The following SNUPN variants were observed in gnomAD, a reference collection of about 807,000 sequenced individuals.
The protein encoded by SNUPN is snurportin 1, also known as snurportin-1.
SNUPN carries 31 observed loss-of-function variants against 39.2 expected under a neutral mutation model. The observed-to-expected ratio is 0.79, with a 90% CI of 0.59 to 1.07. The LOEUF (loss-of-function observed/expected upper bound fraction) is 1.07. SNUPN is among the 50% of genes least tolerant of loss of function. The probability of loss-of-function intolerance (pLI) is 0.00; values close to 1 mark genes in which losing one functional copy is unlikely to be tolerated. For synonymous variants in SNUPN, 132 were observed against 159.0 expected (o/e 0.83, Z 1.28); for missense variants, 382 against 434.2 (o/e 0.88, Z 1.07).
At chr15:75,624,919 C>A (rs932851873) in intron 1 of SNUPN, 4 of 225,972 alleles carry the variant, frequency 1.8e-5, no homozygotes, top group African/African-American at 6.9e-5. Context: ...ATTACAGGCA[C>A]GCGCCACAAC....
chr15:75,609,735 C>T (rs1024492437), intron 4 of SNUPN, 84 bp from the exon 5 acceptor site: 31 of 1,201,042 alleles, frequency 2.6e-5, no homozygotes, highest in South Asian at 4.1e-5. Flanking sequence ...GAATGTTACT[C>T]GACCAAAGAT....
intron 2 of SNUPN, among the ~76,000 whole-genome samples, chr15:75,619,931 T>C (rs1893027637): frequency 6.6e-6 from 1 of 152,024 alleles, no homozygotes; most frequent in Non-Finnish European, 1.5e-5. Flanking sequence ...GTATTTTTAG[T>C]AGAGACAAGT....
chr15:75,616,290 C>T (rs960070195), intron 3 of SNUPN, among the ~76,000 whole-genome samples: 48 of 151,828 alleles, frequency 3.2e-4, no homozygotes, highest in African/African-American at 1.2e-3. Flanking sequence ...AACCCTGTCT[C>T]TACTAAAAAT....
At chr15:75,603,326 C>T (rs868377622) in intron 7 of SNUPN, among the ~76,000 whole-genome samples, 1 of 145,038 alleles carries the variant, frequency 6.9e-6, no homozygotes, top group Non-Finnish European at 1.5e-5. Context: ...GGATTACAGG[C>T]GTGAGCTACC....
chr15:75,607,219 G>T lies in SNUPN; in HGVS notation c.597C>A (p.Cys199Ter). The change falls in exon 6 of 9, where the codon TGC becomes TGA. Residue 199 changes from cysteine (C) to a stop codon, truncating the protein, a stop_gained. Coordinates refer to ENST00000308588, the MANE Select transcript of SNUPN (RefSeq NM_005701.4). LOFTEE classifies it high-confidence loss of function. ...CGAGAGGAGGATCCATCCCTACCTG[G>T]CAATCATAAAAAGGGTGTCCCCGCC... ...MCWRGHPFYDCQTDFRFYWMH... is the reference protein window; with the variant it reads ...MCWRGHPFYD 1 of 1,609,804 alleles carries T rather than the reference G, an allele frequency of 6.2e-7. No homozygotes were observed. The highest frequency in any genetic ancestry group is 8.5e-7 in the Non-Finnish European group (1 of 1,176,194).
intron 1 of SNUPN, 43 bp from the exon 2 acceptor site, chr15:75,621,099 C>T (rs981071932): frequency 2.5e-6 from 4 of 1,592,630 alleles, no homozygotes; most frequent in Non-Finnish European, 3.4e-6. Flanking sequence ...CATTTCATAT[C>T]ATCTCCTGTA....
chr15:75,617,667 A>G (rs2141376009), intron 2 of SNUPN, 115 bp from the exon 3 acceptor site: 1 of 1,167,974 alleles, frequency 8.6e-7, no homozygotes, highest in South Asian at 1.6e-5. Flanking sequence ...CTGCAGCCTC[A>G]ACCTCCTGGG....
chr15:75,607,145 A>C, intron 6 of SNUPN, 71 bp downstream of exon 6: 1 of 1,106,360 alleles, frequency 9.0e-7, no homozygotes, highest in Non-Finnish European at 1.4e-6. Flanking sequence ...TACCAAACCC[A>C]CATGCTGAGC....
intron 1 of SNUPN, among the ~76,000 whole-genome samples, chr15:75,621,925 A>G (rs537350002): frequency 4.0e-4 from 61 of 152,260 alleles, no homozygotes; most frequent in Non-Finnish European, 7.9e-4. Flanking sequence ...AATCCCAGCT[A>G]CTCGGGAGGC....
intron 2 of SNUPN, among the ~76,000 whole-genome samples, chr15:75,619,739 T>C (rs1372257638): frequency 6.6e-6 from 1 of 152,048 alleles, no homozygotes; most frequent in Non-Finnish European, 1.5e-5. Flanking sequence ...TATACTCTTC[T>C]ATTTATTTTA....
chr15:75,606,128 G>C (rs577796548), intron 6 of SNUPN, among the ~76,000 whole-genome samples: 2 of 152,320 alleles, frequency 1.3e-5, no homozygotes, highest in South Asian at 4.1e-4. Flanking sequence ...CTGGGCAACA[G>C]AGCGAGACTC....
intron 5 of SNUPN, among the ~76,000 whole-genome samples, chr15:75,609,345 G>A (rs547498409): frequency 2.0e-5 from 3 of 151,388 alleles, no homozygotes; most frequent in East Asian, 2.0e-4. Flanking sequence ...GCCCACCACC[G>A]CACCCGGCTA....
intron 2 of SNUPN, 47 bp downstream of exon 2, chr15:75,620,847 T>C: frequency 6.4e-7 from 1 of 1,565,608 alleles, no homozygotes; most frequent in Non-Finnish European, 8.7e-7. Flanking sequence ...GAATGGTTCA[T>C]AGCTCCTAGC....
At chr15:75,605,550 C>T (rs1412611570) in intron 6 of SNUPN, among the ~76,000 whole-genome samples, 1 of 152,004 alleles carries the variant, frequency 6.6e-6, no homozygotes, top group Non-Finnish European at 1.5e-5. Context: ...CTCTCCACCT[C>T]GAGCCTCCCA....
In SNUPN at chr15:75,624,610, T is replaced by C. The variant is rs200045314; in HGVS notation, c.-6+1056A>G. The C allele has an allele frequency of 3.7e-5, 18 of 489,510 alleles. No homozygotes were observed. In the East Asian group the frequency reaches 1.0e-3, roughly 28 times the overall value. The allele number at this position is 489,510 out of a possible 1,614,324, so 30.3% of individuals were successfully genotyped here. ...ATGGCTTGAACCCGTAAGGCGGAGC[T>C]TGCAGTGAGTCGAGATCGTGCCACT... is the stretch of plus-strand genomic sequence containing the variant. On this transcript the variant is annotated intron_variant, in intron 1 of 8. Coordinates refer to ENST00000308588, the MANE Select transcript of SNUPN (RefSeq NM_005701.4).
chr15:75,610,795 C>T (rs1892758651), intron 3 of SNUPN, among the ~76,000 whole-genome samples: 1 of 152,172 alleles, frequency 6.6e-6, no homozygotes, highest in African/African-American at 2.4e-5. Flanking sequence ...CAACGCCAAA[C>T]CAAACCAACA....
In SNUPN at chr15:75,602,161, T is replaced by C. The variant is rs2075292615; in HGVS notation, c.679-943A>G. On this transcript the variant is annotated intron_variant, in intron 7 of 8. Transcript: ENST00000308588. ...AGGCGGAGCTTGCAGTGGGCCGAGA[T>C]TGTGCCACTGCACTCCAACCTGGGT... 2.0e-5 allele frequency among the ~76,000 whole-genome samples: 3 copies of C among 152,254 alleles called. No individual in the cohort carries two copies. The South Asian group carries it at 6.2e-4, about 32-fold the overall frequency.
At chr15:75,610,283 C>A (rs1892746465) in intron 3 of SNUPN, among the ~76,000 whole-genome samples, 1 of 151,716 alleles carries the variant, frequency 6.6e-6, no homozygotes, top group Admixed American at 6.6e-5. Context: ...ACCTGTAATC[C>A]CAGCTACTAG....
intron 7 of SNUPN, among the ~76,000 whole-genome samples, chr15:75,602,541 A>AAAT (rs1555459080): frequency 4.9e-4 from 74 of 151,798 alleles, no homozygotes; most frequent in African/African-American, 1.6e-3. Flanking sequence ...AAAAAAAAAA[A>AAAT]ATATTACTGA....
Sources: allele counts gnomAD v4.1 joint callset (sites outside exome capture counted in the v4.1 genomes callset), GRCh38; gene constraint gnomAD v4.1.1; transcripts MANE v1.5; gene names NCBI Gene and HGNC (gene_info 2026-07-23, HGNC 2026-07-21).